SLC39A11: variants seen among roughly 807,000 people sequenced by gnomAD.
SLC39A11 encodes zinc transporter ZIP11.
In SLC39A11, 33 loss-of-function variants were observed where a neutral mutation model predicts 36.1. The observed-to-expected ratio is 0.91, with a 90% confidence interval of 0.69 to 1.22. The LOEUF (loss-of-function observed/expected upper bound fraction) is 1.22, where lower values mean the gene tolerates loss of function less well. SLC39A11 is among the 50% of genes most tolerant of loss of function. The pLI, the probability that SLC39A11 is intolerant of heterozygous loss-of-function variation, is 0.00. For missense variants in SLC39A11, 432 were observed against 430.3 expected (o/e 1.00, Z -0.03); for synonymous variants, 166 against 170.3 (o/e 0.97, Z 0.20).
At chr17:72,897,258 G>A (rs940339805) in intron 5 of SLC39A11, among the ~76,000 whole-genome samples, 11 of 152,042 alleles carry the variant, frequency 7.2e-5, no homozygotes, top group African/African-American at 2.4e-4. Flanking sequence ...CATCGGAGGT[G>A]GGAAAAGGAA....
At chr17:72,878,443 C>G (rs558365666) in intron 5 of SLC39A11, among the ~76,000 whole-genome samples, 1 of 152,168 alleles carries the variant, frequency 6.6e-6, no homozygotes, top group Non-Finnish European at 1.5e-5. Flanking sequence ...ACACACCAAG[C>G]TTGTTCCAAC....
intron 3 of SLC39A11, among the ~76,000 whole-genome samples, chr17:73,060,082 G>A (rs1010110843): frequency 6.6e-6 from 1 of 151,902 alleles, no homozygotes; most frequent in African/African-American, 2.4e-5. Flanking sequence ...GGTGGTGGGT[G>A]CCTGTAATCC....
chr17:72,957,460 A>G (rs1210468943), intron 4 of SLC39A11, among the ~76,000 whole-genome samples: 2 of 152,218 alleles, frequency 1.3e-5, no homozygotes, highest in Admixed American at 1.3e-4. Context: ...ATTCACTTAA[A>G]ATAGGGCTTC....
chr17:72,847,377 G>A (rs2079097804), intron 6 of SLC39A11, among the ~76,000 whole-genome samples: 2 of 149,598 alleles, frequency 1.3e-5, no homozygotes, highest in African/African-American at 5.0e-5. Context: ...ACTCCAGCCT[G>A]GGCGACAGAG....
intron 4 of SLC39A11, among the ~76,000 whole-genome samples, chr17:72,984,455 C>T (rs1418605114): frequency 2.6e-5 from 4 of 151,776 alleles, no homozygotes; most frequent in Non-Finnish European, 5.9e-5. Flanking sequence ...TTGTGGGATA[C>T]ATGTAAAGCC....
At chr17:73,076,225 T>G (rs931976284) in intron 3 of SLC39A11, among the ~76,000 whole-genome samples, 30 of 150,166 alleles carry the variant, frequency 2.0e-4, no homozygotes, top group African/African-American at 5.9e-4. Flanking sequence ...TACTAGAGAC[T>G]TGGAGAGTAA....
intron 5 of SLC39A11, among the ~76,000 whole-genome samples, chr17:72,899,790 C>T (rs928168367): frequency 6.6e-6 from 1 of 151,970 alleles, no homozygotes; most frequent in Non-Finnish European, 1.5e-5. Flanking sequence ...GGCGAAACCC[C>T]GTCTCTACTA....
intron 5 of SLC39A11, among the ~76,000 whole-genome samples, chr17:72,881,715 A>G (rs1275586782): frequency 3.3e-5 from 5 of 152,236 alleles, no homozygotes; most frequent in Admixed American, 1.3e-4. Context: ...CTAAGTGGCA[A>G]ATGACAAGAA....
chr17:73,012,379 G>A (rs1413926515), intron 4 of SLC39A11, among the ~76,000 whole-genome samples: 1 of 152,124 alleles, frequency 6.6e-6, no homozygotes, highest in South Asian at 2.1e-4. Flanking sequence ...CGTTATACGT[G>A]ACTATATCAA....
chr17:72,994,597 T>C (rs943535127), intron 4 of SLC39A11, among the ~76,000 whole-genome samples: 2 of 152,226 alleles, frequency 1.3e-5, no homozygotes, highest in Admixed American at 1.3e-4. Context: ...ACGTGTATCA[T>C]ATTTCATAAT....
chr17:72,761,822 A>G (rs1032418116), intron 6 of SLC39A11, among the ~76,000 whole-genome samples: 1 of 152,234 alleles, frequency 6.6e-6, no homozygotes, highest in Non-Finnish European at 1.5e-5. Context: ...TGCAATGCTC[A>G]GATCAACAGG....
chr17:72,955,298 CT>C (rs71359751), intron 4 of SLC39A11, among the ~76,000 whole-genome samples: 23 of 65,574 alleles, frequency 3.5e-4, no homozygotes, highest in African/African-American at 1.3e-3. Flanking sequence ...TTTCAGTTCT[CT>C]TTTTTTTTTT....
intron 5 of SLC39A11, among the ~76,000 whole-genome samples, chr17:72,898,803 C>T (rs535800976): frequency 1.3e-5 from 2 of 152,364 alleles, no homozygotes; most frequent in East Asian, 3.9e-4. Flanking sequence ...TTTTCTGCAG[C>T]GGCAGAACCA....
chr17:72,952,475 C>T (rs997661300), intron 4 of SLC39A11, among the ~76,000 whole-genome samples: 8 of 150,788 alleles, frequency 5.3e-5, no homozygotes, highest in African/African-American at 1.9e-4. Context: ...ATATCCCCCA[C>T]CCCCCTGCTG....
intron 4 of SLC39A11, among the ~76,000 whole-genome samples, chr17:72,973,095 G>C (rs2087576903): frequency 6.6e-6 from 1 of 151,168 alleles, no homozygotes; most frequent in African/African-American, 2.4e-5. Flanking sequence ...CCTTCTGCTT[G>C]TCCTTTCCTT....
At chr17:72,703,857 G>A (rs1390944466) in intron 7 of SLC39A11, among the ~76,000 whole-genome samples, 1 of 152,252 alleles carries the variant, frequency 6.6e-6, no homozygotes, top group Non-Finnish European at 1.5e-5. Context: ...GCCGGGGGTG[G>A]TGGCTCATGC....
At chr17:72,871,428 G>A (rs542558811) in intron 5 of SLC39A11, among the ~76,000 whole-genome samples, 1 of 152,270 alleles carries the variant, frequency 6.6e-6, no homozygotes. Flanking sequence ...AAGCCCTTAA[G>A]GATGGGGGGC....
chr17:73,087,514 T>A (rs2060773330), intron 2 of SLC39A11, among the ~76,000 whole-genome samples: 1 of 152,192 alleles, frequency 6.6e-6, no homozygotes, highest in Non-Finnish European at 1.5e-5. Flanking sequence ...AAGATACCCA[T>A]GGATGGCTCC....
chr17:72,754,422 G>A (rs950821286), intron 6 of SLC39A11, among the ~76,000 whole-genome samples: 18 of 152,008 alleles, frequency 1.2e-4, no homozygotes, highest in African/African-American at 3.4e-4. Flanking sequence ...AAACACCGTC[G>A]CTTCCCCAAA....
Sources: gnomAD v4.1 joint callset for allele counts (sites outside exome capture counted in the v4.1 genomes callset) on GRCh38, gnomAD v4.1.1 for gene constraint, MANE v1.5 for transcripts, NCBI Gene and HGNC (gene_info 2026-07-23, HGNC 2026-07-21) for gene names.